The following PRRC2B variants were observed in gnomAD, a reference collection of about 807,000 sequenced individuals.
PRRC2B encodes the protein proline rich coiled-coil 2B.
PRRC2B carries 68 observed loss-of-function variants against 242.3 expected under a neutral mutation model. The ratio of observed to expected loss-of-function variants is 0.28; its 90% CI spans 0.23 to 0.34. The LOEUF is 0.34. PRRC2B is among the 10% of genes least tolerant of loss of function. PRRC2B has a pLI of 1.00. For synonymous variants in PRRC2B, 1,228 were observed against 1,173.6 expected (o/e 1.05, Z -0.95); for missense variants, 2,835 against 2,954.8 (o/e 0.96, Z 0.94).
At chr9:131,478,642 G>GGGGCCC in intron 18 of PRRC2B, 23 bp downstream of exon 18, 9 of 481,968 alleles carry the variant, frequency 1.9e-5, no homozygotes, top group East Asian at 1.6e-4. Flanking sequence ...GGGTGGGGGG[G>GGGGCCC]CATGGGGCTG....
chr9:131,450,762 A>AT (rs1942888967), intron 9 of PRRC2B, among the ~76,000 whole-genome samples: 1 of 151,206 alleles, frequency 6.6e-6, no homozygotes, highest in East Asian at 1.9e-4. Context: ...TAATTGTTGT[A>AT]TTTTTAGTAG....
intron 1 of PRRC2B, among the ~76,000 whole-genome samples, chr9:131,428,069 G>C (rs1001018253): frequency 2.0e-5 from 3 of 151,446 alleles, no homozygotes; most frequent in Non-Finnish European, 4.4e-5. Context: ...TTACAGGTGT[G>C]CACCACCATG....
At chr9:131,490,877 C>T (rs188183332) in intron 28 of PRRC2B, 2 of 319,698 alleles carry the variant, frequency 6.3e-6, no homozygotes, top group Admixed American at 3.9e-5. Flanking sequence ...ACTTTCCTCA[C>T]TCGTCCTCTC....
At chr9:131,392,584 T>G (rs1384777287), upstream of PRRC2B, among the ~76,000 whole-genome samples, 1 of 152,180 alleles carries the variant, frequency 6.6e-6, no homozygotes, top group Non-Finnish European at 1.5e-5. Flanking sequence ...TTTGTAGAGA[T>G]AGCGAAATAT....
chr9:131,486,100 C>T lies in PRRC2B; in HGVS notation c.5774C>T (p.Pro1925Leu), dbSNP rs868644291. 6.2e-7 allele frequency: 1 copy of T among 1,612,592 alleles called. No individual in the cohort carries two copies. Among genetic ancestry groups the T allele is most frequent in the Non-Finnish European group, 8.5e-7 (1 of 1,179,158 alleles). ...CTGTTTCCAGGCAGCCACCTCCCGC[C>T]CCTGTACCTGGATGGCCATGTGTTT... is the stretch of plus-strand genomic sequence containing the variant. ...SASMPGSHLP[P>L]LYLDGHVFAS... Residue 1925 changes from proline (P) to leucine (L), a missense_variant, in exon 26 of 32, where the codon CCC (proline) becomes CTC (leucine). Physicochemically the swap from Pro to Leu is moderately conservative, Grantham distance 98 (BLOSUM62 -3). Transcript: ENST00000683519.
chr9:131,490,227 C>G (rs558181367), intron 28 of PRRC2B, among the ~76,000 whole-genome samples: 9 of 150,406 alleles, frequency 6.0e-5, no homozygotes, highest in Non-Finnish European at 1.2e-4. Flanking sequence ...CCTGCTCCCC[C>G]TCACCTCACC....
Position 131,444,640 on chromosome 9 carries a change from G to C in PRRC2B, c.613+312G>C, listed in dbSNP as rs538107825. 2.0e-5 allele frequency among the ~76,000 whole-genome samples: 3 copies of C among 152,226 alleles called. No individual in the cohort carries two copies. In the South Asian group the frequency reaches 6.2e-4, roughly 32 times the overall value. On this transcript the variant is annotated intron_variant, in intron 6 of 31. Transcript: ENST00000683519. Reference sequence around the variant, plus strand: ...AAAGGACCAATTAACTTAGGTCCCCGGTTCAAGAGCTTGTTTTCTAAAGCT... The same window carrying C: ...AAAGGACCAATTAACTTAGGTCCCCCGTTCAAGAGCTTGTTTTCTAAAGCT...
At chr9:131,442,905 G>C (rs915921626) in intron 5 of PRRC2B, among the ~76,000 whole-genome samples, 1 of 152,194 alleles carries the variant, frequency 6.6e-6, no homozygotes, top group African/African-American at 2.4e-5. Flanking sequence ...AAAGCAGGTT[G>C]TAATGTCAAG....
At chr9:131,458,829 A>G (rs1943159197) in intron 10 of PRRC2B, among the ~76,000 whole-genome samples, 1 of 152,156 alleles carries the variant, frequency 6.6e-6, no homozygotes, top group Non-Finnish European at 1.5e-5. Flanking sequence ...AAGAAAGTTT[A>G]CGAATTTGTG....
intron 26 of PRRC2B, among the ~76,000 whole-genome samples, chr9:131,486,750 G>A (rs896961396): frequency 1.3e-5 from 2 of 152,242 alleles, no homozygotes; most frequent in Non-Finnish European, 2.9e-5. Context: ...TGCTGATGGA[G>A]GATGTGGCCT....
Position 131,495,968 on chromosome 9 carries a change from C to A in PRRC2B, c.*94C>A. 6.5e-7 allele frequency: 1 copy of A among 1,527,408 alleles called. No individual in the cohort carries two copies. 94.6% of individuals were successfully genotyped at this position (1,527,408 alleles called of 1,614,324 possible). A position where few individuals can be genotyped will look rare whatever the true frequency, so the allele number is the denominator to read the frequency against. ...ACACTCGGGAGCCTCACCAGATCCA[C>A]CGTCCAAATGCGTGGCCCAGACTGA... On this transcript the variant is annotated 3_prime_UTR_variant, in exon 32 of 32. Coordinates refer to ENST00000683519, the MANE Select transcript of PRRC2B (RefSeq NM_013318.4).
At chr9:131,378,971 G>A (rs1188929352) in intron 1 of PRRC2B, among the ~76,000 whole-genome samples, 4 of 151,982 alleles carry the variant, frequency 2.6e-5, no homozygotes, top group African/African-American at 4.8e-5. Context: ...TGCCCACCTC[G>A]GCCTTCCAAC....
At chr9:131,485,640 G>T (rs766445730) in intron 25 of PRRC2B, 6 of 534,598 alleles carry the variant, frequency 1.1e-5, no homozygotes, top group Non-Finnish European at 1.8e-5. Context: ...GGGAAGCGTG[G>T]GGGTTTTGAG....
intron 1 of PRRC2B, among the ~76,000 whole-genome samples, chr9:131,404,491 G>A (rs1470011651): frequency 1.3e-5 from 2 of 151,960 alleles, no homozygotes; most frequent in Non-Finnish European, 2.9e-5. Flanking sequence ...CAAAGTGCTG[G>A]GATTACAGGC....
Position 131,469,249 on chromosome 9 carries a change from G to A in PRRC2B, c.1911+1496G>A, listed in dbSNP as rs899846173. Reference sequence around the variant, plus strand: ...CTCAGGAGGCTGAGGTAGGAGAATCGCTTGCACCCAGGAGGTGGAGGTTGC... The same window carrying A: ...CTCAGGAGGCTGAGGTAGGAGAATCACTTGCACCCAGGAGGTGGAGGTTGC... On this transcript the variant is annotated intron_variant, in intron 13 of 31. Transcript: ENST00000683519. Among the ~76,000 whole-genome samples, 14 of 152,270 alleles carry A rather than the reference G, an allele frequency of 9.2e-5. No homozygotes were observed. In the East Asian group the frequency reaches 1.9e-3, roughly 21 times the overall value.
Position 131,477,752 on chromosome 9 carries a change from A to G in PRRC2B, c.4415A>G (p.Asp1472Gly), listed in dbSNP as rs1943745570. The G allele has an allele frequency of 6.2e-7, 1 of 1,600,794 alleles. No individual in the cohort carries two copies. ...GTPLKVKRSP[D>G]EALPGGLSGC... is the part of the protein sequence containing the mutation. ...TCCTCTTTCCCTTACAGATCCCCAG[A>G]CGAGGCCTTGCCTGGAGGTCTTAGT... The change falls in exon 17 of 32, where the codon GAC becomes GGC. Residue 1472 changes from aspartate to glycine, a missense_variant. This residue lies in a region of PRRC2B where 1,536 missense variants were observed against 1,483.1 expected (regional missense o/e 1.04). Transcript: ENST00000683519.
intron 28 of PRRC2B, 97 bp downstream of exon 28, chr9:131,488,193 C>T (rs1944080806): frequency 3.4e-6 from 5 of 1,467,182 alleles, no homozygotes; most frequent in East Asian, 4.9e-5. Context: ...GCTGGCCTAT[C>T]GTGCTGTTGG....
At chr9:131,467,982 A>G (rs1262134377) in intron 13 of PRRC2B, among the ~76,000 whole-genome samples, 2 of 152,220 alleles carry the variant, frequency 1.3e-5, no homozygotes, top group Non-Finnish European at 2.9e-5. Flanking sequence ...GTCCCTGGGA[A>G]TGAATACAGT....
At chr9:131,495,603 G>A in intron 31 of PRRC2B, 137 bp from the exon 32 acceptor site, 1 of 954,682 alleles carries the variant, frequency 1.0e-6, no homozygotes, top group Non-Finnish European at 1.5e-6. Flanking sequence ...TCTAAGTCTG[G>A]TCCTTCAACC....
Sources: allele counts gnomAD v4.1 joint callset (sites outside exome capture counted in the v4.1 genomes callset), GRCh38; gene constraint gnomAD v4.1.1; regional missense constraint gnomAD v4.1.1; transcripts MANE v1.5; gene names NCBI Gene and HGNC (gene_info 2026-07-23, HGNC 2026-07-21).